Variants in TTLL13 observed in about 807,000 individuals in gnomAD.
The protein encoded by TTLL13 is tubulin tyrosine ligase like 13, also known as tubulin polyglutamylase TTLL13.
At chr15:90,257,408 A>G in the TTLL13 span, 1 of 1,367,882 alleles carries the variant, frequency 7.3e-7, no homozygotes, top group South Asian at 1.4e-5. Flanking sequence ...GAGCTGCAGC[A>G]TCTAGCTGGG....
the TTLL13 span, chr15:90,256,232 A>G: frequency 6.2e-7 from 1 of 1,614,196 alleles, no homozygotes; most frequent in Non-Finnish European, 8.5e-7. Context: ...TGGCATCTTC[A>G]TTACCCGAAA....
the TTLL13 span, chr15:90,262,398 G>A: frequency 4.5e-6 from 6 of 1,318,920 alleles, no homozygotes; most frequent in Non-Finnish European, 5.0e-6. Context: ...AGAACAGATT[G>A]TAATTTCCTG....
At chr15:90,255,753 A>T in the TTLL13 span, 6 of 1,614,190 alleles carry the variant, frequency 3.7e-6, no homozygotes, top group Non-Finnish European at 5.1e-6. Flanking sequence ...GCTGTGTTTC[A>T]GAAAATCAAC....
At chr15:90,255,325 G>A in the TTLL13 span, among the ~76,000 whole-genome samples, 1 of 152,198 alleles carries the variant, frequency 6.6e-6, no homozygotes, top group Non-Finnish European at 1.5e-5. Context: ...GGGTGCCATG[G>A]CATCACATTC....
At chr15:90,256,574 T>C in the TTLL13 span, among the ~76,000 whole-genome samples, 1,270 of 40,300 alleles carry the variant, frequency 0.032, 31 homozygotes, top group East Asian at 0.13. Context: ...TCTTTCTTTC[T>C]TTCTTTCTTT....
the TTLL13 span, chr15:90,251,445 T>A: frequency 8.5e-7 from 1 of 1,178,984 alleles, no homozygotes; most frequent in Non-Finnish European, 1.3e-6. Context: ...GTCTTTTAAG[T>A]GGCTTCTAGA....
chr15:90,254,479 T>A, the TTLL13 span, among the ~76,000 whole-genome samples: 2 of 113,640 alleles, frequency 1.8e-5, no homozygotes, highest in Non-Finnish European at 3.6e-5. Context: ...GGTGACAGAG[T>A]GAGACTCCAT....
At chr15:90,251,494 C>T in the TTLL13 span, 15 of 1,493,916 alleles carry the variant, frequency 1.0e-5, no homozygotes, top group Admixed American at 2.0e-4. Context: ...GATGTCTTTT[C>T]ATCTGAGTAC....
At chr15:90,257,030 AT>A in the TTLL13 span, 1 of 1,093,016 alleles carries the variant, frequency 9.1e-7, no homozygotes, top group African/African-American at 1.6e-5. Flanking sequence ...ACTATTTTAC[AT>A]GGTTATTGTG....
At chr15:90,258,359 AAC>A in the TTLL13 span, 1 of 1,109,658 alleles carries the variant, frequency 9.0e-7, no homozygotes. Flanking sequence ...CAGGTGGTGG[AAC>A]ACAGAATGGG....
chr15:90,262,071 T>C, the TTLL13 span: 1 of 1,535,984 alleles, frequency 6.5e-7, no homozygotes, highest in Non-Finnish European at 8.7e-7. Flanking sequence ...GATTCTCACC[T>C]GGGAAAATAC....
the TTLL13 span, chr15:90,253,335 C>A: frequency 1.9e-6 from 3 of 1,613,290 alleles, no homozygotes; most frequent in Non-Finnish European, 1.7e-6. Context: ...CGCTGTCTCA[C>A]TGGAACGAGT....
At chr15:90,265,424 G>C in the TTLL13 span, 2 of 1,289,176 alleles carry the variant, frequency 1.6e-6, no homozygotes, top group Admixed American at 4.0e-5. Flanking sequence ...CTGGGGCGGA[G>C]GGACGGCTCT....
At chr15:90,259,074 A>C in the TTLL13 span, 1 of 1,464,936 alleles carries the variant, frequency 6.8e-7, no homozygotes, top group Non-Finnish European at 9.1e-7. Context: ...CATTAAAAAA[A>C]TCACAGGACC....
the TTLL13 span, among the ~76,000 whole-genome samples, chr15:90,253,597 T>A: frequency 1.9e-3 from 293 of 152,310 alleles, 2 homozygotes; most frequent in Non-Finnish European, 3.7e-3. Context: ...TATCTCATGA[T>A]TTGCACTTTG....
chr15:90,254,562 G>C, the TTLL13 span, among the ~76,000 whole-genome samples: 19 of 136,998 alleles, frequency 1.4e-4, no homozygotes, highest in Admixed American at 1.5e-3. Context: ...GGCTGGGCAC[G>C]GTGGACGGTG....
the TTLL13 span, chr15:90,258,973 G>A: frequency 8.1e-6 from 13 of 1,613,436 alleles, no homozygotes; most frequent in Non-Finnish European, 1.0e-5. Flanking sequence ...TTATTCCTGA[G>A]AGTAAAAGTC....
the TTLL13 span, chr15:90,250,994 C>T: frequency 7.1e-7 from 1 of 1,405,232 alleles, no homozygotes; most frequent in East Asian, 2.3e-5. Flanking sequence ...CTTTAGCCTA[C>T]AAAAGAGGAC....
the TTLL13 span, chr15:90,262,057 T>C: frequency 1.3e-6 from 2 of 1,535,964 alleles, no homozygotes; most frequent in African/African-American, 1.4e-5. Context: ...AGGAACGATA[T>C]GAGGATTCTC....
Sources: allele counts gnomAD v4.1 joint callset (sites outside exome capture counted in the v4.1 genomes callset), GRCh38; gene constraint gnomAD v4.1.1; transcripts MANE v1.5; gene names NCBI Gene and HGNC (gene_info 2026-07-23, HGNC 2026-07-21).